Variants in NLRP5 observed in about 807,000 individuals in gnomAD.
NLRP5 encodes the protein NLR family pyrin domain containing 5, also known as NACHT, LRR and PYD domains-containing protein 5.
In NLRP5, 93 loss-of-function variants were observed where a neutral mutation model predicts 113.1. That is an observed-to-expected ratio of 0.82 (90% CI 0.70 to 0.98). The LOEUF is 0.98. NLRP5 is among the 50% of genes least tolerant of loss of function. The pLI is 0.00. For synonymous variants in NLRP5, 751 were observed against 600.7 expected, an observed-to-expected ratio of 1.25 and a Z score of -3.66; for missense variants, 1,808 against 1,514.3, an observed-to-expected ratio of 1.19 and a Z score of -3.22.
chr19:56,026,763 A>G, intron 6 of NLRP5, 150 bp from the exon 7 acceptor site: 1 of 733,548 alleles, frequency 1.4e-6, no homozygotes, highest in Non-Finnish European at 2.2e-6. Flanking sequence ...TATTTATTAG[A>G]GACGGGGCTT....
intron 2 of NLRP5, among the ~76,000 whole-genome samples, chr19:56,006,778 C>T (rs62123579): frequency 0.9 from 136,400 of 151,252 alleles, 62,021 homozygotes; most frequent in East Asian, 0.96. Flanking sequence ...CTGGCTCTGT[C>T]GCCCAGGCTG....
intron 3 of NLRP5, among the ~76,000 whole-genome samples, chr19:56,013,595 G>GTTTT (rs1418924718): frequency 5.5e-4 from 17 of 30,980 alleles, no homozygotes; most frequent in South Asian, 2.8e-3. Context: ...TGGACATTTG[G>GTTTT]GTTTTTTTTT....
At chr19:55,993,223 C>T in the NLRP5 span, among the ~76,000 whole-genome samples, 1 of 151,666 alleles carries the variant, frequency 6.6e-6, no homozygotes, top group Admixed American at 6.6e-5. Flanking sequence ...TCACCCCAAA[C>T]ATTTGTGTTG....
chr19:56,028,641 C>T, intron 7 of NLRP5, 132 bp downstream of exon 7: 1 of 897,140 alleles, frequency 1.1e-6, no homozygotes, highest in Non-Finnish European at 1.7e-6. Context: ...CAGATGACGT[C>T]CAGCTGGCTA....
intron 9 of NLRP5, among the ~76,000 whole-genome samples, chr19:56,037,184 CG>C (rs2123318466): frequency 6.6e-6 from 1 of 152,186 alleles, no homozygotes; most frequent in South Asian, 2.1e-4. Flanking sequence ...TGTGCTGGCT[CG>C]TGGGGTAGCT....
chr19:56,043,573 T>A (rs373134308), intron 11 of NLRP5, among the ~76,000 whole-genome samples: 3 of 43,610 alleles, frequency 6.9e-5, no homozygotes, highest in Non-Finnish European at 1.6e-4. Context: ...TTTTTTTTTT[T>A]TTTTTTTTTT....
chr19:56,043,867 A>G (rs146176724), intron 11 of NLRP5, among the ~76,000 whole-genome samples: 9,629 of 151,278 alleles, frequency 0.064, 342 homozygotes, highest in South Asian at 0.12. Flanking sequence ...GTGAGCCACC[A>G]CGCCTGGCCT....
In NLRP5 at chr19:56,050,574, T is replaced by A. The variant is rs969379394; in HGVS notation, c.3114T>A (p.His1038Gln). 3.1e-6 allele frequency: 5 copies of A among 1,613,582 alleles called. No homozygotes were observed. The highest frequency in any genetic ancestry group is 4.2e-6 in the Non-Finnish European group (5 of 1,179,720). ...AGGTCATGAGAGAACCATCTTGTCA[T>A]CTCCAGGACCTGGAGTGAGTTTCCC... The change falls in exon 12 of 15, where the codon CAT becomes CAA. Residue 1038 changes from histidine (H) to glutamine (Q), a missense_variant. His to Gln is a conservative substitution (Grantham distance 24, BLOSUM62 0). Coordinates refer to ENST00000390649, the MANE Select transcript of NLRP5 (RefSeq NM_153447.4).
rs1984238149 is a variant in NLRP5 at position 56,058,421 on chromosome 19, A to C, written c.3470+11A>C. On this transcript the variant is annotated intron_variant, in intron 14 of 14. Transcript: ENST00000390649. ...CTTACAGATAATTGGGTAAGTCGCC[A>C]GCAATTGTCTTCTGAGATACAGACC... The C allele has an allele frequency of 6.2e-7, 1 of 1,603,570 alleles. No homozygotes were observed. Among genetic ancestry groups the C allele is most frequent in the African/African-American group, 1.3e-5 (1 of 74,782 alleles).
At chr19:56,036,381 C>T (rs1344348090) in intron 9 of NLRP5, among the ~76,000 whole-genome samples, 1 of 151,844 alleles carries the variant, frequency 6.6e-6, no homozygotes, top group African/African-American at 2.4e-5. Flanking sequence ...TTCTTTCATT[C>T]AATAACGACA....
chr19:56,058,028 C>CAAAAAA (rs10659776), intron 13 of NLRP5, among the ~76,000 whole-genome samples: 3 of 115,698 alleles, frequency 2.6e-5, no homozygotes, highest in African/African-American at 6.3e-5. Context: ...AATGCTATCT[C>CAAAAAA]AAAAAAAAAA....
At chr19:56,051,636 A>G (rs1983934896) in intron 12 of NLRP5, among the ~76,000 whole-genome samples, 1 of 152,194 alleles carries the variant, frequency 6.6e-6, no homozygotes, top group African/African-American at 2.4e-5. Context: ...TTGGTCTCAC[A>G]TTGTGTCTGA....
the NLRP5 span, chr19:55,988,055 C>CT: frequency 3.1e-5 from 20 of 649,530 alleles, no homozygotes; most frequent in East Asian, 1.7e-4. Context: ...AGAACCTCAG[C>CT]TTTGAACCCT....
chr19:56,003,689 G>A (rs777106647), intron 1 of NLRP5, 47 bp from the exon 2 acceptor site: 33 of 1,558,566 alleles, frequency 2.1e-5, no homozygotes, highest in Non-Finnish European at 2.9e-5. Context: ...ATCTACTTGA[G>A]AATTTGCTGC....
upstream of NLRP5, among the ~76,000 whole-genome samples, chr19:55,998,684 A>ATG (rs1203915046): frequency 2.0e-4 from 16 of 82,024 alleles, no homozygotes; most frequent in African/African-American, 1.3e-3. Flanking sequence ...ATATATATAT[A>ATG]TATATATATA....
chr19:56,031,550 G>A (rs561614016), intron 7 of NLRP5, among the ~76,000 whole-genome samples: 25 of 148,864 alleles, frequency 1.7e-4, no homozygotes, highest in Admixed American at 1.3e-3. Context: ...AAAATCACTC[G>A]AATTTGGGAG....
chr19:55,990,807 G>A, the NLRP5 span, among the ~76,000 whole-genome samples: 1 of 151,942 alleles, frequency 6.6e-6, no homozygotes, highest in Admixed American at 6.6e-5. Flanking sequence ...CCTGGGCGAC[G>A]GAGCAAGACT....
intron 7 of NLRP5, 131 bp from the exon 8 acceptor site, chr19:56,032,480 G>C (rs764350937): frequency 3.0e-6 from 2 of 670,072 alleles, no homozygotes; most frequent in Non-Finnish European, 4.9e-6. Flanking sequence ...CAGCCGCTAA[G>C]TTGCCTCAGG....
chr19:56,036,420 A>T (rs2123317574), intron 9 of NLRP5, among the ~76,000 whole-genome samples: 1 of 150,828 alleles, frequency 6.6e-6, no homozygotes, highest in Non-Finnish European at 1.5e-5. Context: ...TAGTAGTATG[A>T]CATGTTCCTG....
Sources: allele counts gnomAD v4.1 joint callset (sites outside exome capture counted in the v4.1 genomes callset), GRCh38; gene constraint gnomAD v4.1.1; transcripts MANE v1.5; gene names NCBI Gene and HGNC (gene_info 2026-07-23, HGNC 2026-07-21).